The following DNAAF10 variants were observed in gnomAD, a reference collection of about 807,000 sequenced individuals.
DNAAF10 encodes WD repeat domain 92.
DNAAF10 carries 28 observed loss-of-function variants against 43.7 expected under a neutral mutation model. The ratio of observed to expected loss-of-function variants is 0.64; its 90% CI spans 0.48 to 0.88. The LOEUF is 0.88. Among genes scored for constraint, DNAAF10 ranks in the 40% least tolerant of loss-of-function variants. The pLI is 0.00. For synonymous variants in DNAAF10, 156 were observed against 157.3 expected (o/e 0.99, Z 0.06); for missense variants, 403 against 439.1 (o/e 0.92, Z 0.73).
Position 68,134,633 on chromosome 2 carries a change from A to C in DNAAF10, c.866+69T>G, listed in dbSNP as rs1441883616. The C allele has an allele frequency of 2.5e-6, 4 of 1,572,074 alleles. No individual in the cohort carries two copies. In the Admixed American group the frequency reaches 9.0e-5, roughly 35 times the overall value. On this transcript the variant is annotated intron_variant, in intron 7 of 7. Transcript: ENST00000295121. ...CAAAGCAGGAAAAAAAAGAAAAAAA[A>C]GTTCAATCTAATCCTACTTTACACC...
chr2:68,154,310 G>C (rs186190373), intron 1 of DNAAF10, among the ~76,000 whole-genome samples: 1 of 152,054 alleles, frequency 6.6e-6, no homozygotes, highest in Non-Finnish European at 1.5e-5. Flanking sequence ...GCAGTGGCGC[G>C]ATCTCGGCTC....
chr2:68,145,053 T>G (rs188310018), intron 2 of DNAAF10, among the ~76,000 whole-genome samples: 7 of 152,162 alleles, frequency 4.6e-5, no homozygotes, highest in Admixed American at 1.3e-4. Context: ...CCAAACATAA[T>G]GAATCAGGAT....
At chr2:68,136,890 G>A (rs772970313) in intron 6 of DNAAF10, among the ~76,000 whole-genome samples, 4 of 152,078 alleles carry the variant, frequency 2.6e-5, no homozygotes, top group Non-Finnish European at 4.4e-5. Context: ...ATTTAATATA[G>A]CAAACTGGAA....
intron 3 of DNAAF10, among the ~76,000 whole-genome samples, chr2:68,142,393 A>C (rs1673206102): frequency 6.6e-6 from 1 of 152,116 alleles, no homozygotes; most frequent in African/African-American, 2.4e-5. Flanking sequence ...AGTAGCTGGG[A>C]CTACAGGCAT....
At position 68,137,279 on chromosome 2, in the gene DNAAF10, G is replaced by A. The variant is rs748838415; in HGVS notation, c.768+20C>T. ...AAGCTATCATTCTTCTTCATAGAAA[G>A]ACATTTCCCTCATATTTACCTTTTC... On this transcript the variant is annotated intron_variant, in intron 6 of 7. Coordinates refer to ENST00000295121, the MANE Select transcript of DNAAF10 (RefSeq NM_138458.4). The A allele has an allele frequency of 1.9e-6, 3 of 1,601,068 alleles. No homozygotes were observed. The South Asian group carries it at 3.4e-5, about 18-fold the overall frequency.
At chr2:68,137,822 A>AT (rs1422114273) in intron 5 of DNAAF10, among the ~76,000 whole-genome samples, 2 of 147,162 alleles carry the variant, frequency 1.4e-5, no homozygotes, top group Non-Finnish European at 3.0e-5. Flanking sequence ...AGCTAAGATC[A>AT]TGCCACTGCA....
rs747336820 is a variant in DNAAF10, at chr2:68,157,526, G to C, written c.-83C>G. 6.3e-7 allele frequency: 1 copy of C among 1,579,202 alleles called. No homozygotes were observed. Among genetic ancestry groups the C allele is most frequent in the Non-Finnish European group, 8.7e-7 (1 of 1,148,374 alleles). On this transcript the variant is annotated 5_prime_UTR_variant, in exon 1 of 8. Transcript: ENST00000295121. ...CCTGGAAACCAGACTCCAAACATTG[G>C]CAATTTGTCCCTCCCGCTTTCCGTA... is the stretch of plus-strand genomic sequence containing the variant.
chr2:68,136,603 T>G (rs1170691436), intron 6 of DNAAF10, among the ~76,000 whole-genome samples: 2 of 152,234 alleles, frequency 1.3e-5, no homozygotes, highest in East Asian at 3.8e-4. Flanking sequence ...CTGATCTTTC[T>G]TTCTTTTTAT....
intron 1 of DNAAF10, among the ~76,000 whole-genome samples, chr2:68,155,832 C>G (rs1673587003): frequency 6.6e-6 from 1 of 152,080 alleles, no homozygotes; most frequent in Non-Finnish European, 1.5e-5. Context: ...CTTGGTGGCT[C>G]ACGCCTGTAA....
chr2:68,144,624 C>T lies in DNAAF10; in HGVS notation c.376G>A (p.Gly126Arg). The change falls in exon 3 of 8, where the codon GGA becomes AGA. Residue 126 changes from glycine (G) to arginine (R), a missense_variant. Coordinates refer to ENST00000295121, the MANE Select transcript of DNAAF10 (RefSeq NM_138458.4). ...AIDGIGGLGI[G>R]EGAPEIVTGS... Reference sequence around the variant, plus strand: ...GTCACAATTTCAGGTGCTCCTTCTCCAATTCCTAGTCCACCTATGCCATCT... The same window carrying T: ...GTCACAATTTCAGGTGCTCCTTCTCTAATTCCTAGTCCACCTATGCCATCT... The T allele has an allele frequency of 6.2e-7, 1 of 1,614,034 alleles. No individual in the cohort carries two copies. Among genetic ancestry groups the T allele is most frequent in the South Asian group, 1.1e-5 (1 of 91,076 alleles).
At chr2:68,138,672 C>T in intron 5 of DNAAF10, 70 bp downstream of exon 5, 3 of 1,198,264 alleles carry the variant, frequency 2.5e-6, no homozygotes, top group Non-Finnish European at 3.7e-6. Flanking sequence ...AGGTGTTTTC[C>T]TTTTGTAATA....
chr2:68,149,449 T>C (rs1673402302), intron 1 of DNAAF10, among the ~76,000 whole-genome samples: 2 of 152,212 alleles, frequency 1.3e-5, no homozygotes, highest in South Asian at 4.1e-4. Flanking sequence ...TTTCTCTTTT[T>C]AATGCACAAG....
intron 1 of DNAAF10, among the ~76,000 whole-genome samples, chr2:68,155,279 G>T (rs1673566611): frequency 6.6e-6 from 1 of 152,006 alleles, no homozygotes; most frequent in African/African-American, 2.4e-5. Context: ...ATCACCTAAG[G>T]TCAGGAGTTT....
chr2:68,147,695 T>C (rs570557637), intron 1 of DNAAF10, 128 bp from the exon 2 acceptor site: 1 of 596,502 alleles, frequency 1.7e-6, no homozygotes, highest in African/African-American at 2.0e-5. Flanking sequence ...TAAAACATCT[T>C]CTGATGAAAA....
chr2:68,133,442 A>G (rs1456926383), intron 7 of DNAAF10, among the ~76,000 whole-genome samples: 1 of 152,036 alleles, frequency 6.6e-6, no homozygotes, highest in Non-Finnish European at 1.5e-5. Flanking sequence ...TGCCATAATC[A>G]TACTGCTTCG....
intron 1 of DNAAF10, among the ~76,000 whole-genome samples, chr2:68,153,591 C>A (rs1187154090): frequency 1.3e-5 from 2 of 151,814 alleles, no homozygotes; most frequent in South Asian, 2.1e-4. Context: ...AGGGGTGGGA[C>A]CAAGGCACAA....
intron 2 of DNAAF10, among the ~76,000 whole-genome samples, 183 bp downstream of exon 2, chr2:68,147,284 T>C (rs1441899603): frequency 1.3e-5 from 2 of 152,176 alleles, no homozygotes; most frequent in Admixed American, 6.5e-5. Flanking sequence ...GGTTAGTATT[T>C]TTTAATGGAT....
At position 68,138,859 on chromosome 2, in the gene DNAAF10, T is replaced by G. The variant is rs1467642927; in HGVS notation, c.518-2A>C. On this transcript the variant is annotated splice_acceptor_variant, in intron 4 of 7. Coordinates refer to ENST00000295121, the MANE Select transcript of DNAAF10 (RefSeq NM_138458.4). LOFTEE classifies it high-confidence loss of function. ...GTTCTTCTTGATTATAAGCATTGCC[T>G]GGAAATCAAGATACAACATTTCACA... 6.2e-7 allele frequency: 1 copy of G among 1,606,346 alleles called. No individual in the cohort carries two copies. The highest frequency in any genetic ancestry group is 1.3e-5 in the African/African-American group (1 of 74,752).
chr2:68,133,427 G>A (rs1330484392), intron 7 of DNAAF10, among the ~76,000 whole-genome samples: 1 of 151,914 alleles, frequency 6.6e-6, no homozygotes, highest in Non-Finnish European at 1.5e-5. Context: ...GTAGAGACCC[G>A]GTTTTGCCAT....
Sources: gnomAD v4.1 joint callset for allele counts (sites outside exome capture counted in the v4.1 genomes callset) on GRCh38, gnomAD v4.1.1 for gene constraint, MANE v1.5 for transcripts, NCBI Gene and HGNC (gene_info 2026-07-23, HGNC 2026-07-21) for gene names.